The following CNGB3 variants were observed in gnomAD, a reference collection of about 807,000 sequenced individuals.
CNGB3 encodes cyclic nucleotide-gated channel beta-3.
CNGB3 carries 86 observed loss-of-function variants against 92.8 expected under a neutral mutation model. That is an observed-to-expected ratio of 0.93 (90% CI 0.78 to 1.11). The LOEUF is 1.11. Ranked by LOEUF, CNGB3 falls within the 50% of genes least tolerant of loss-of-function variation. The probability of loss-of-function intolerance (pLI) is 0.00; values close to 1 mark genes in which losing one functional copy is unlikely to be tolerated. For synonymous variants in CNGB3, 333 were observed against 332.7 expected (o/e 1.00, Z -0.01); for missense variants, 1,026 against 956.8 (o/e 1.07, Z -0.95).
chr8:86,639,954 A>C (rs891428427), intron 10 of CNGB3, among the ~76,000 whole-genome samples: 5 of 152,110 alleles, frequency 3.3e-5, no homozygotes, highest in African/African-American at 1.2e-4. Context: ...AATTTATCGA[A>C]ACTAGGTTTG....
At chr8:86,715,858 G>A (rs1370979934) in intron 3 of CNGB3, among the ~76,000 whole-genome samples, 1 of 149,370 alleles carries the variant, frequency 6.7e-6, no homozygotes, top group Non-Finnish European at 1.5e-5. Context: ...ATAGCATTAA[G>A]AGATATACCT....
At chr8:86,658,274 A>G (rs1001512259) in intron 6 of CNGB3, 2 of 521,292 alleles carry the variant, frequency 3.8e-6, no homozygotes, top group Admixed American at 5.5e-5. Flanking sequence ...CTGAGTTTAA[A>G]AATGCCACCA....
At position 86,643,829 on chromosome 8, in the gene CNGB3, T is replaced by C. The variant is rs772807972; in HGVS notation, c.1100A>G (p.Asn367Ser). Residue 367 changes from asparagine to serine, a missense_variant, in exon 10 of 18, where the codon AAT becomes AGT. Coordinates refer to ENST00000320005, the MANE Select transcript of CNGB3 (RefSeq NM_019098.5). ...TGYLLFILHI[N>S]ACVYYWASNY... is the part of the protein sequence containing the mutation. ...TGAAGCCCAGTAATAAACACAGGCA[T>C]TAATGTGCAGAATAAACAGCAAGTA... 2.5e-6 allele frequency: 4 copies of C among 1,607,160 alleles called. No individual in the cohort carries two copies. Among genetic ancestry groups the C allele is most frequent in the Non-Finnish European group, 2.6e-6 (3 of 1,175,588 alleles).
intron 13 of CNGB3, among the ~76,000 whole-genome samples, chr8:86,617,271 C>A (rs1344976874): frequency 3.9e-5 from 6 of 152,120 alleles, no homozygotes; most frequent in African/African-American, 1.2e-4. Context: ...AGAATTTCTC[C>A]ATTTCTAGGC....
At chr8:86,689,433 T>A (rs2131635304) in intron 3 of CNGB3, among the ~76,000 whole-genome samples, 1 of 151,838 alleles carries the variant, frequency 6.6e-6, no homozygotes, top group South Asian at 2.1e-4. Context: ...ACTCTAATAG[T>A]ATTTGCTATA....
At chr8:86,622,708 C>A (rs77625592) in intron 13 of CNGB3, among the ~76,000 whole-genome samples, 2,080 of 152,268 alleles carry the variant, frequency 0.014, 47 homozygotes, top group African/African-American at 0.045. Flanking sequence ...AGCCATGGAA[C>A]CTGGCCTGCA....
At chr8:86,580,191 G>GGGGGT (rs1009986517) in intron 15 of CNGB3, among the ~76,000 whole-genome samples, 7 of 59,184 alleles carry the variant, frequency 1.2e-4, no homozygotes, top group African/African-American at 3.8e-4. Flanking sequence ...AGAATAGCAC[G>GGGGGT]GGGGGGGTGG....
intron 3 of CNGB3, among the ~76,000 whole-genome samples, chr8:86,716,729 C>T (rs1356803810): frequency 6.6e-6 from 1 of 152,136 alleles, no homozygotes; most frequent in African/African-American, 2.4e-5. Context: ...GGCTCTAAAT[C>T]TTGAAATAAA....
chr8:86,721,823 A>G (rs1224015707), intron 3 of CNGB3, among the ~76,000 whole-genome samples: 1 of 152,170 alleles, frequency 6.6e-6, no homozygotes, highest in Non-Finnish European at 1.5e-5. Flanking sequence ...CTATGAAGTC[A>G]CATATGGATT....
intron 3 of CNGB3, among the ~76,000 whole-genome samples, chr8:86,697,071 C>T (rs960283246): frequency 1.3e-5 from 2 of 152,052 alleles, no homozygotes; most frequent in Admixed American, 1.3e-4. Flanking sequence ...GAGAAGACCA[C>T]AAATCAACCA....
At chr8:86,640,858 A>G (rs1823169424) in intron 10 of CNGB3, among the ~76,000 whole-genome samples, 1 of 151,976 alleles carries the variant, frequency 6.6e-6, no homozygotes. Flanking sequence ...TTTACTGCAC[A>G]TATTTGTCAG....
At chr8:86,695,628 C>T (rs917870096) in intron 3 of CNGB3, among the ~76,000 whole-genome samples, 7 of 152,108 alleles carry the variant, frequency 4.6e-5, no homozygotes, top group African/African-American at 1.7e-4. Flanking sequence ...CCTTGAGTAG[C>T]TTAATAATCA....
intron 15 of CNGB3, among the ~76,000 whole-genome samples, chr8:86,582,633 G>T (rs542562056): frequency 1.6e-4 from 24 of 152,284 alleles, no homozygotes; most frequent in African/African-American, 5.3e-4. Flanking sequence ...AGTTGTAGCA[G>T]ATTTTTAAAT....
chr8:86,696,106 G>A (rs1212400459), intron 3 of CNGB3, among the ~76,000 whole-genome samples: 1 of 152,186 alleles, frequency 6.6e-6, no homozygotes, highest in Admixed American at 6.5e-5. Flanking sequence ...TTTTTGGTGT[G>A]CTGGTTTTCT....
At chr8:86,731,933 C>G (rs905860021) in intron 2 of CNGB3, among the ~76,000 whole-genome samples, 2 of 152,142 alleles carry the variant, frequency 1.3e-5, no homozygotes, top group African/African-American at 4.8e-5. Flanking sequence ...ATTTACTTAA[C>G]AGAGCCCAGG....
intron 3 of CNGB3, among the ~76,000 whole-genome samples, chr8:86,686,672 T>A (rs1266985660): frequency 1.3e-5 from 2 of 152,032 alleles, no homozygotes; most frequent in African/African-American, 2.4e-5. Context: ...GAGGCTGGGA[T>A]TACTATGGTT....
At chr8:86,615,504 G>A (rs570713850) in intron 13 of CNGB3, among the ~76,000 whole-genome samples, 7 of 152,208 alleles carry the variant, frequency 4.6e-5, no homozygotes, top group Non-Finnish European at 8.8e-5. Context: ...TTGGGAGGCT[G>A]AAGTGACAAG....
At chr8:86,717,253 G>A (rs1586033963) in intron 3 of CNGB3, among the ~76,000 whole-genome samples, 1 of 151,838 alleles carries the variant, frequency 6.6e-6, no homozygotes, top group Non-Finnish European at 1.5e-5. Flanking sequence ...GAGATAGACG[G>A]CAACACAATA....
intron 3 of CNGB3, among the ~76,000 whole-genome samples, chr8:86,693,256 A>G (rs1824353597): frequency 6.6e-6 from 1 of 152,014 alleles, no homozygotes; most frequent in Non-Finnish European, 1.5e-5. Flanking sequence ...CTAGCTTCTT[A>G]TATTTGGATG....
Sources: allele counts gnomAD v4.1 joint callset (sites outside exome capture counted in the v4.1 genomes callset), GRCh38; gene constraint gnomAD v4.1.1; transcripts MANE v1.5; gene names NCBI Gene and HGNC (gene_info 2026-07-23, HGNC 2026-07-21).